Variants in CLVS1 observed in about 807,000 individuals in gnomAD.
The protein encoded by CLVS1 is clavesin 1, also known as clavesin-1.
A neutral mutation model predicts 33.1 loss-of-function variants in CLVS1; 10 were observed. The observed-to-expected ratio is 0.30, with a 90% confidence interval of 0.19 to 0.51. The LOEUF (loss-of-function observed/expected upper bound fraction) is 0.51, where lower values mean the gene tolerates loss of function less well. Among genes scored for constraint, CLVS1 ranks in the 20% least tolerant of loss-of-function variants. CLVS1 has a pLI of 0.97. For synonymous variants in CLVS1, 163 were observed against 166.1 expected, an observed-to-expected ratio of 0.98 and a Z score of 0.14; for missense variants, 343 against 433.4, an observed-to-expected ratio of 0.79 and a Z score of 1.85.
chr8:61,335,681 T>A (rs1811775479), intron 2 of CLVS1, among the ~76,000 whole-genome samples: 1 of 152,208 alleles, frequency 6.6e-6, no homozygotes, highest in Admixed American at 6.5e-5. Flanking sequence ...TTATCTACAG[T>A]GTATTTTCCA....
At chr8:61,133,573 C>T (rs1166706493) in intron 2 of CLVS1, among the ~76,000 whole-genome samples, 1 of 152,144 alleles carries the variant, frequency 6.6e-6, no homozygotes, top group Non-Finnish European at 1.5e-5. Context: ...AGAAGTCATC[C>T]TGTGAATGAA....
At chr8:61,381,553 A>G (rs976604334) in intron 3 of CLVS1, among the ~76,000 whole-genome samples, 1 of 152,096 alleles carries the variant, frequency 6.6e-6, no homozygotes, top group Non-Finnish European at 1.5e-5. Context: ...TGAGCATAAT[A>G]CTCAATAGGT....
Position 61,065,594 on chromosome 8 carries a change from T to C in CLVS1, c.-243+8364T>C, listed in dbSNP as rs371304437. Among the ~76,000 whole-genome samples, 128 of 152,356 alleles carry C rather than the reference T, an allele frequency of 8.4e-4. 1 individual carries two copies. The highest frequency in any genetic ancestry group is 6.8e-3 in the Middle Eastern group (2 of 294). The stretch of plus-strand genomic sequence containing the variant: ...TGAATCACTGATCCTATTATGTTGC[T>C]CCTATTTTTTTAATCTCTTGAACAA... On this transcript the variant is annotated intron_variant, in intron 1 of 2. Coordinates refer to the CLVS1 transcript ENST00000522621.
At chr8:61,185,149 G>GTT (rs766726344) in intron 2 of CLVS1, among the ~76,000 whole-genome samples, 5,925 of 142,210 alleles carry the variant, frequency 0.042, 250 homozygotes, top group African/African-American at 0.11. Flanking sequence ...TATAGTTTTT[G>GTT]TTTTTGTTTT....
intron 2 of CLVS1, among the ~76,000 whole-genome samples, chr8:61,159,453 T>G (rs1246690234): frequency 6.6e-6 from 1 of 152,196 alleles, no homozygotes; most frequent in African/African-American, 2.4e-5. Context: ...AGGAAAAACT[T>G]TGCAAAAACT....
intron 5 of CLVS1, 53 bp from the exon 6 acceptor site, chr8:61,499,402 A>T: frequency 7.4e-7 from 1 of 1,345,788 alleles, no homozygotes; most frequent in Non-Finnish European, 1.1e-6. Flanking sequence ...AGGTTCCAAA[A>T]TTGTCACCAT....
intron 2 of CLVS1, among the ~76,000 whole-genome samples, chr8:61,325,106 A>G (rs958989102): frequency 3.9e-5 from 6 of 152,026 alleles, no homozygotes; most frequent in African/African-American, 1.4e-4. Context: ...TTCCTGGTTT[A>G]TTATTCTCCT....
intron 5 of CLVS1, among the ~76,000 whole-genome samples, chr8:61,481,252 G>A (rs1462265247): frequency 6.6e-6 from 1 of 152,166 alleles, no homozygotes; most frequent in Non-Finnish European, 1.5e-5. Context: ...GAGGTTCCAA[G>A]ATGGCTAAAT....
At chr8:61,220,677 T>A (rs906067223) in intron 2 of CLVS1, among the ~76,000 whole-genome samples, 1 of 151,992 alleles carries the variant, frequency 6.6e-6, no homozygotes, top group Non-Finnish European at 1.5e-5. Flanking sequence ...TTTAAGATAG[T>A]TTTTTCTAAT....
At chr8:61,042,376 G>A in the CLVS1 span, among the ~76,000 whole-genome samples, 1 of 152,190 alleles carries the variant, frequency 6.6e-6, no homozygotes, top group South Asian at 2.1e-4. Flanking sequence ...TTAAGAGGAA[G>A]TCATCAGGAG....
At chr8:61,152,295 T>C (rs1806553936) in intron 2 of CLVS1, among the ~76,000 whole-genome samples, 1 of 152,190 alleles carries the variant, frequency 6.6e-6, no homozygotes, top group Non-Finnish European at 1.5e-5. Context: ...TCTTCTTGTA[T>C]GGGCATGGAT....
chr8:61,471,460 G>C (rs899042858), intron 5 of CLVS1, among the ~76,000 whole-genome samples: 1 of 152,132 alleles, frequency 6.6e-6, no homozygotes, highest in Non-Finnish European at 1.5e-5. Context: ...ATGCATGGTG[G>C]CTTGAAAGGA....
intron 2 of CLVS1, among the ~76,000 whole-genome samples, chr8:61,219,953 A>G (rs936393230): frequency 2.6e-5 from 4 of 152,128 alleles, no homozygotes; most frequent in Non-Finnish European, 1.5e-5. Flanking sequence ...TCTTCTTTTG[A>G]GAAGAGTTTG....
At chr8:61,039,697 C>T in the CLVS1 span, among the ~76,000 whole-genome samples, 4 of 147,438 alleles carry the variant, frequency 2.7e-5, no homozygotes, top group African/African-American at 7.9e-5. Context: ...TGCACCACCA[C>T]GCCTGTCTAA....
chr8:61,328,674 T>C (rs986687718), intron 2 of CLVS1, among the ~76,000 whole-genome samples: 1 of 152,186 alleles, frequency 6.6e-6, no homozygotes, highest in Non-Finnish European at 1.5e-5. Context: ...CTAGCATGCA[T>C]GTTCATTTCT....
chr8:61,111,337 A>G (rs182351052), intron 1 of CLVS1, among the ~76,000 whole-genome samples: 1 of 152,258 alleles, frequency 6.6e-6, no homozygotes, highest in East Asian at 1.9e-4. Flanking sequence ...TCTTCCTCCA[A>G]AAGGAGGAAG....
chr8:61,425,727 T>C (rs2129604885), intron 3 of CLVS1, among the ~76,000 whole-genome samples: 1 of 152,352 alleles, frequency 6.6e-6, no homozygotes, highest in African/African-American at 2.4e-5. Flanking sequence ...TGTGGTCATT[T>C]ATCACTCCTA....
chr8:61,135,811 C>T (rs995472886), intron 2 of CLVS1, among the ~76,000 whole-genome samples: 1 of 152,180 alleles, frequency 6.6e-6, no homozygotes, highest in Non-Finnish European at 1.5e-5. Context: ...AAATGCACCT[C>T]ACAAAAGAAA....
intron 2 of CLVS1, among the ~76,000 whole-genome samples, chr8:61,178,967 T>A (rs1036574946): frequency 6.6e-6 from 1 of 152,186 alleles, no homozygotes; most frequent in Non-Finnish European, 1.5e-5. Flanking sequence ...GCTAGCATCA[T>A]GATGAAAGGA....
Sources: allele counts gnomAD v4.1 joint callset (sites outside exome capture counted in the v4.1 genomes callset), GRCh38; gene constraint gnomAD v4.1.1; transcripts MANE v1.5; gene names NCBI Gene and HGNC (gene_info 2026-07-23, HGNC 2026-07-21).